C2: variants seen among roughly 807,000 people sequenced by gnomAD.
C2 encodes C3/C5 convertase.
A neutral mutation model predicts 85.2 loss-of-function variants in C2; 64 were observed. That is an observed-to-expected ratio of 0.75 (90% CI 0.61 to 0.92). C2 has a LOEUF of 0.92. Ranked by LOEUF, C2 falls within the 40% of genes least tolerant of loss-of-function variation. The pLI, the probability that C2 is intolerant of heterozygous loss-of-function variation, is 0.00. For missense variants in C2, 820 were observed against 971.6 expected, an observed-to-expected ratio of 0.84 and a Z score of 2.07; for synonymous variants, 311 against 370.8, an observed-to-expected ratio of 0.84 and a Z score of 1.85.
upstream of C2, among the ~76,000 whole-genome samples, chr6:31,927,321 C>G (rs546870634): frequency 6.6e-6 from 1 of 152,338 alleles, no homozygotes; most frequent in African/African-American, 2.4e-5. The surrounding 1 kb of genome is among the most constrained non-coding windows in gnomAD (Gnocchi z 4.7). Flanking sequence ...AAATATTTTG[C>G]AATATCTTGG....
In C2 at chr6:31,904,365, G is replaced by A. The variant is rs1767577583; in HGVS notation, c.73+3226G>A. ...TTTTGCTCTTGTCACCCAGGCTGGA[G>A]TGCAATAGCACGATCTTGGCTCACT... On this transcript the variant is annotated intron_variant, in intron 1 of 3. Transcript: ENST00000452202. The surrounding 1 kb of genome is among the most constrained non-coding windows in gnomAD (Gnocchi z 4.4). 6.6e-6 allele frequency among the ~76,000 whole-genome samples: 1 copy of A among 151,978 alleles called. No homozygotes were observed. The highest frequency in any genetic ancestry group is 1.5e-5 in the Non-Finnish European group (1 of 68,014).
upstream of C2, chr6:31,900,721 C>T (rs1475869011): frequency 1.9e-6 from 3 of 1,600,962 alleles, no homozygotes; most frequent in South Asian, 2.2e-5. The surrounding 1 kb of genome is among the most constrained non-coding windows in gnomAD (Gnocchi z 9.7). Flanking sequence ...CATCCTCTTC[C>T]TCGGCTTTCA....
chr6:31,901,460 C>T (rs754945420), intron 1 of C2: 36 of 908,630 alleles, frequency 4.0e-5, no homozygotes, highest in Non-Finnish European at 5.3e-5. Context: ...CCTCAGTTTC[C>T]CCAACCCTGG....
rs1201883484 is a variant in C2, at chr6:31,935,144, G to A, written c.850-779G>A. On this transcript the variant is annotated intron_variant, in intron 6 of 17. Transcript: ENST00000299367. The surrounding 1 kb of genome is among the most constrained non-coding windows in gnomAD (Gnocchi z 4.3). Reference sequence around the variant, plus strand: ...CAATACTTCATGTAACATTATAGATGGTTTTCCCTCCCAGCTACATTTTAA... The same window carrying A: ...CAATACTTCATGTAACATTATAGATAGTTTTCCCTCCCAGCTACATTTTAA... 1.1e-6 allele frequency: 1 copy of A among 875,658 alleles called. No homozygotes were observed. The highest frequency in any genetic ancestry group is 1.4e-6 in the Non-Finnish European group (1 of 729,710). 54.2% of individuals were successfully genotyped at this position (875,658 alleles called of 1,614,324 possible). A position where few individuals can be genotyped will look rare whatever the true frequency, so the allele number is the denominator to read the frequency against.
rs951613303 is a variant in C2 at position 31,922,527 on chromosome 6, G to A, written c.-100+2501G>A. On this transcript the variant is annotated intron_variant, in intron 1 of 3. Transcript: ENST00000413154. The surrounding 1 kb of genome is among the most constrained non-coding windows in gnomAD (Gnocchi z 4.8). Reference sequence around the variant, plus strand: ...TAAGGCATCCTGAGAGGCCATCAGAGCATCATTTCTGATTTTTAAACTCTG... The same window carrying A: ...TAAGGCATCCTGAGAGGCCATCAGAACATCATTTCTGATTTTTAAACTCTG... 1.3e-5 allele frequency among the ~76,000 whole-genome samples: 2 copies of A among 152,090 alleles called. No homozygotes were observed. The highest frequency in any genetic ancestry group is 2.9e-5 in the Non-Finnish European group (2 of 68,004).
chr6:31,943,493 T>A lies in C2; in HGVS notation c.1533T>A (p.Asp511Glu). The change falls in exon 12 of 18, where the codon GAT becomes GAA. Residue 511 changes from aspartate to glutamate, a missense_variant. Asp to Glu is a conservative substitution (Grantham distance 45). Transcript: ENST00000299367. The surrounding 1 kb of genome is among the most constrained non-coding windows in gnomAD (Gnocchi z 6.4). ...TGACAGCAGCTCATTGCTTCCGCGA[T>A]GGCAACGACCACTCCCTGTGGAGGG... Reference protein sequence around the residue: ...WVLTAAHCFRDGNDHSLWRVN... With the variant: ...WVLTAAHCFREGNDHSLWRVN... The A allele has an allele frequency of 6.2e-7, 1 of 1,613,060 alleles. No individual in the cohort carries two copies. Among genetic ancestry groups the A allele is most frequent in the Non-Finnish European group, 8.5e-7 (1 of 1,180,022 alleles).
intron 3 of C2, among the ~76,000 whole-genome samples, chr6:31,931,591 G>T (rs1460484838): frequency 6.6e-6 from 1 of 151,998 alleles, no homozygotes; most frequent in Non-Finnish European, 1.5e-5. Context: ...TAAGGTCACC[G>T]ATCAACAGGA....
chr6:31,939,451 G>A, intron 9 of C2, 131 bp downstream of exon 9: 2 of 726,628 alleles, frequency 2.8e-6, no homozygotes, highest in Non-Finnish European at 4.8e-6. Context: ...TCTGTACAAA[G>A]GCAACTCATG....
In C2 at chr6:31,943,975, A is replaced by C. The variant is rs769490482; in HGVS notation, c.1792A>C (p.Ser598Arg). ...ANLALRRPQG[S>R]TCRDHENELL... ...TCTGGCTCTGCGGAGACCTCAAGGCAGCACCTGTAGGGACCATGGTGAGTG... is the reference window on the plus strand; with the variant it reads ...TCTGGCTCTGCGGAGACCTCAAGGCCGCACCTGTAGGGACCATGGTGAGTG... The change falls in exon 14 of 18, where the codon AGC becomes CGC. Residue 598 changes from serine (S) to arginine (R), a missense_variant. By Grantham distance (110) the Ser-to-Arg change is moderately radical (BLOSUM62 -1). Coordinates refer to ENST00000299367, the MANE Select transcript of C2 (RefSeq NM_000063.6). The surrounding 1 kb of genome is among the most constrained non-coding windows in gnomAD (Gnocchi z 6.4). 6.2e-7 allele frequency: 1 copy of C among 1,613,012 alleles called. No individual in the cohort carries two copies. Among genetic ancestry groups the C allele is most frequent in the East Asian group, 2.2e-5 (1 of 44,888 alleles).
In C2 at chr6:31,930,643, G is replaced by A. The variant is rs139945923; in HGVS notation, c.442+1726G>A. Among the ~76,000 whole-genome samples the A allele has an allele frequency of 5.0e-4, 76 of 152,320 alleles. 1 individual carries two copies. The East Asian group carries it at 9.1e-3, about 18-fold the overall frequency. ...GGGTTTGGGAGCTTCTTGGATCATG[G>A]TTCTTAGCACATCATACAGAAGACA... On this transcript the variant is annotated intron_variant, in intron 3 of 17. Coordinates refer to ENST00000299367, the MANE Select transcript of C2 (RefSeq NM_000063.6).
At chr6:31,918,882 CAA>C (rs9281625), upstream of C2, among the ~76,000 whole-genome samples, 4 of 74,400 alleles carry the variant, frequency 5.4e-5, no homozygotes, top group Admixed American at 1.6e-4. Context: ...GACTCTGTCT[CAA>C]AAAAAAAAAA....
At chr6:31,901,120 G>A (rs750001934) in exon 1 of C2, 6 of 1,614,030 alleles carry the variant, frequency 3.7e-6, no homozygotes, top group Admixed American at 3.3e-5. Flanking sequence ...GGTTCAGCAG[G>A]AACTGGTCCC....
chr6:31,940,954 G>C (rs925178271), intron 9 of C2, among the ~76,000 whole-genome samples: 3 of 152,216 alleles, frequency 2.0e-5, no homozygotes, highest in South Asian at 2.1e-4. Flanking sequence ...GGGGTGCAAA[G>C]GCTGGGAGAG....
At chr6:31,922,915 T>C (rs540855481), upstream of C2, among the ~76,000 whole-genome samples, 8 of 152,310 alleles carry the variant, frequency 5.3e-5, no homozygotes, top group South Asian at 8.3e-4. The surrounding 1 kb of genome is among the most constrained non-coding windows in gnomAD (Gnocchi z 4.8). Context: ...AATTGGGGTA[T>C]TGGTTTTTTC....
rs1225743248 is a variant in C2 at position 31,933,719 on chromosome 6, G to A, written c.552G>A (p.Thr184=). The A allele has an allele frequency of 5.0e-6, 8 of 1,613,390 alleles. No individual in the cohort carries two copies. The East Asian group carries it at 1.1e-4, about 22-fold the overall frequency. Reference sequence around the variant, plus strand: ...GCTGCTCCTCGAATCTTGTGCTCACGGGGTCTTCGGAGCGGGAGTGCCAGG... The same window carrying A: ...GCTGCTCCTCGAATCTTGTGCTCACAGGGTCTTCGGAGCGGGAGTGCCAGG... ...RYRCSSNLVL[T]GSSERECQGN... is the part of the protein sequence containing the mutation. The change falls in exon 4 of 18, where the codon ACG becomes ACA. Residue 184 remains threonine, a synonymous_variant. Transcript: ENST00000299367.
intron 7 of C2, chr6:31,937,108 C>G (rs1365224281): frequency 1.8e-6 from 1 of 565,914 alleles, no homozygotes; most frequent in East Asian, 3.0e-5. Flanking sequence ...ACTTGGGAGA[C>G]TGAGGCATGA....
Position 31,944,035 on chromosome 6 carries a change from G to A in C2, c.1810+42G>A, listed in dbSNP as rs923993380. ...ATGGTGCTTGAGAGCTGGGGCCGGGGTTTGGGGGTGATAACAAGGACTAGG... is the reference window on the plus strand; with the variant it reads ...ATGGTGCTTGAGAGCTGGGGCCGGGATTTGGGGGTGATAACAAGGACTAGG... On this transcript the variant is annotated intron_variant, in intron 14 of 17. Transcript: ENST00000299367. This position sits in a 1 kb window ranked among gnomAD's most constrained non-coding sequence, Gnocchi z 5.1. 6.2e-7 allele frequency: 1 copy of A among 1,605,630 alleles called. No individual in the cohort carries two copies. The highest frequency in any genetic ancestry group is 2.2e-5 in the East Asian group (1 of 44,850).
chr6:31,928,283 A>G, intron 2 of C2, 119 bp downstream of exon 2: 1 of 875,780 alleles, frequency 1.1e-6, no homozygotes, highest in Non-Finnish European at 1.8e-6. Flanking sequence ...GCTTTTGCAG[A>G]GGGCTTTTCA....
Position 31,936,070 on chromosome 6 carries a change from G to T in C2, c.988+9G>T. The T allele has an allele frequency of 6.2e-7, 1 of 1,612,756 alleles. No individual in the cohort carries two copies. Among genetic ancestry groups the T allele is most frequent in the Non-Finnish European group, 8.5e-7 (1 of 1,179,880 alleles). ...AAATGCCAACTATAAAGGTACGGGT[G>T]TCATCACGTGATGGTGATGAGAGAG... On this transcript the variant is annotated intron_variant, in intron 7 of 17. Coordinates refer to ENST00000299367, the MANE Select transcript of C2 (RefSeq NM_000063.6).
Sources: gnomAD v4.1 joint callset for allele counts (sites outside exome capture counted in the v4.1 genomes callset) on GRCh38, gnomAD v4.1.1 for gene constraint, Gnocchi (gnomAD v3.1) non-coding constraint, MANE v1.5 for transcripts, NCBI Gene and HGNC (gene_info 2026-07-23, HGNC 2026-07-21) for gene names.